Variants in SMARCA2 observed in about 807,000 individuals in gnomAD.
The protein encoded by SMARCA2 is SWI/SNF-related matrix-associated actin-dependent regulator of chromatin subfamily A member 2.
SMARCA2 carries 61 observed loss-of-function variants against 199.8 expected under a neutral mutation model. The observed-to-expected ratio is 0.31, with a 90% confidence interval of 0.25 to 0.38. The LOEUF is 0.38. Ranked by LOEUF, SMARCA2 falls within the 10% of genes least tolerant of loss-of-function variation. SMARCA2 has a pLI of 1.00. For synonymous variants in SMARCA2, 935 were observed against 732.0 expected (o/e 1.28, Z -4.48); for missense variants, 1,344 against 2,012.2 (o/e 0.67, Z 6.35).
chr9:2,121,908 C>CT (rs975331374), intron 26 of SMARCA2, among the ~76,000 whole-genome samples: 7 of 152,138 alleles, frequency 4.6e-5, no homozygotes, highest in Non-Finnish European at 8.8e-5. Flanking sequence ...GGAAAAAGCA[C>CT]TTTTAAAACT....
At chr9:2,138,678 A>C (rs1007596988) in intron 27 of SMARCA2, among the ~76,000 whole-genome samples, 1 of 152,214 alleles carries the variant, frequency 6.6e-6, no homozygotes, top group Non-Finnish European at 1.5e-5. Flanking sequence ...TTGCTCTGCA[A>C]CATCTTGGAT....
intron 3 of SMARCA2, among the ~76,000 whole-genome samples, chr9:2,034,003 T>C (rs1187544408): frequency 6.6e-6 from 1 of 151,778 alleles, no homozygotes; most frequent in African/African-American, 2.4e-5. Flanking sequence ...TCCCAGCGCT[T>C]TGGGAGGCTG....
At chr9:2,057,833 C>T (rs1820424115) in intron 7 of SMARCA2, among the ~76,000 whole-genome samples, 1 of 152,114 alleles carries the variant, frequency 6.6e-6, no homozygotes, top group African/African-American at 2.4e-5. Context: ...TTCTGCATGG[C>T]AATTTTAACT....
At chr9:2,188,945 G>C (rs1049699943) in intron 32 of SMARCA2, among the ~76,000 whole-genome samples, 1 of 152,106 alleles carries the variant, frequency 6.6e-6, no homozygotes, top group Non-Finnish European at 1.5e-5. Context: ...CCTACCCCTT[G>C]TTCCAACTTT....
At chr9:2,130,964 G>A (rs1403406085) in intron 27 of SMARCA2, among the ~76,000 whole-genome samples, 3 of 152,196 alleles carry the variant, frequency 2.0e-5, no homozygotes, top group African/African-American at 7.2e-5. Context: ...AAATTGGGGT[G>A]ATTGCAGAGC....
chr9:2,087,160 C>T, intron 18 of SMARCA2, 89 bp downstream of exon 18: 1 of 1,497,302 alleles, frequency 6.7e-7, no homozygotes, highest in Non-Finnish European at 9.1e-7. Context: ...CCACAGAACA[C>T]CCGCAGGGTG....
At position 2,121,302 on chromosome 9, in the gene SMARCA2, G is replaced by T. The variant is rs58152462; in HGVS notation, c.3762+1767G>T. Among the ~76,000 whole-genome samples the T allele has an allele frequency of 6.7e-3, 1,020 of 152,224 alleles. 13 individuals carry two copies. Among genetic ancestry groups the T allele is most frequent in the African/African-American group, 0.024 (983 of 41,492 alleles). ...ACTATTTTACCACTCAAAGAACAGG[G>T]TTGTAACACAGGTGAGGCTGGCTAG... On this transcript the variant is annotated intron_variant, in intron 26 of 33. Coordinates refer to ENST00000349721, the MANE Select transcript of SMARCA2 (RefSeq NM_003070.5).
chr9:2,164,780 T>C (rs1470001911), intron 28 of SMARCA2, among the ~76,000 whole-genome samples: 2 of 152,218 alleles, frequency 1.3e-5, no homozygotes, highest in African/African-American at 2.4e-5. Context: ...TTTTAACTTT[T>C]CCTTGTTTTA....
In SMARCA2 at chr9:2,190,802, A is replaced by G. The variant is rs116463324; in HGVS notation, c.4595-464A>G. ...TTTCCATTTTGTACCTTTATGTTAA[A>G]AATATGATTGAACTATTTGAATTTT... On this transcript the variant is annotated intron_variant, in intron 32 of 33. Transcript: ENST00000349721. Among the ~76,000 whole-genome samples, 810 of 152,342 alleles carry G rather than the reference A, an allele frequency of 5.3e-3. 2 individuals are homozygous for G. Among genetic ancestry groups the G allele is most frequent in the African/African-American group, 0.019 (776 of 41,568 alleles).
chr9:2,157,856 T>G (rs1021686344), intron 27 of SMARCA2: 4 of 398,420 alleles, frequency 1.0e-5, no homozygotes, highest in African/African-American at 6.2e-5. Flanking sequence ...AGGCTGACTT[T>G]CTGGACCTGC....
At chr9:2,089,961 A>G (rs1312502643) in intron 19 of SMARCA2, among the ~76,000 whole-genome samples, 2 of 152,278 alleles carry the variant, frequency 1.3e-5, no homozygotes, top group South Asian at 2.1e-4. Flanking sequence ...TCATTTATTC[A>G]TTCCATAAGA....
intron 9 of SMARCA2, among the ~76,000 whole-genome samples, chr9:2,067,239 G>A (rs1410212862): frequency 6.6e-6 from 1 of 152,226 alleles, no homozygotes; most frequent in Non-Finnish European, 1.5e-5. Flanking sequence ...ATTTATGATA[G>A]TAATAATTTA....
At chr9:2,191,044 C>A (rs1037451887) in intron 32 of SMARCA2, among the ~76,000 whole-genome samples, 6 of 152,180 alleles carry the variant, frequency 3.9e-5, no homozygotes, top group Non-Finnish European at 8.8e-5. Flanking sequence ...CTCTTGTTGC[C>A]TGTTTAGCGT....
At chr9:2,038,794 A>G (rs759579495) in intron 3 of SMARCA2, among the ~76,000 whole-genome samples, 1 of 152,182 alleles carries the variant, frequency 6.6e-6, no homozygotes, top group African/African-American at 2.4e-5. Context: ...GGAGAACCCA[A>G]CTGTGACAGT....
At chr9:2,182,032 G>C (rs1481950734) in intron 30 of SMARCA2, 109 bp from the exon 31 acceptor site, 2 of 802,982 alleles carry the variant, frequency 2.5e-6, no homozygotes, top group South Asian at 2.7e-5. Flanking sequence ...CCCTGGCAGG[G>C]CTTTATGCTG....
At chr9:2,099,916 A>G (rs747384469) in intron 21 of SMARCA2, among the ~76,000 whole-genome samples, 3 of 152,158 alleles carry the variant, frequency 2.0e-5, no homozygotes. Context: ...GGAGACAGGG[A>G]TGGAGCCTAA....
Position 2,082,308 on chromosome 9 carries a change from T to G in SMARCA2, c.2348+313T>G, listed in dbSNP as rs59593396. ...TTAAGTGGCTCACAAAGGGGAAAGG[T>G]GTGTGTGTGTGTGTGTGTGTGTGTG... On this transcript the variant is annotated intron_variant, in intron 15 of 33. Transcript: ENST00000349721. Among the ~76,000 whole-genome samples the G allele has an allele frequency of 0.021, 398 of 18,882 alleles. 3 individuals are homozygous for G. The East Asian group carries it at 0.32, about 15-fold the overall frequency. 12.4% of individuals were successfully genotyped at this position (18,882 alleles called of 152,430 possible).
At chr9:2,140,488 C>G (rs1824409592) in intron 27 of SMARCA2, among the ~76,000 whole-genome samples, 1 of 152,144 alleles carries the variant, frequency 6.6e-6, no homozygotes, top group South Asian at 2.1e-4. Context: ...ACCATTGTAT[C>G]TGATGATTGA....
chr9:2,147,926 T>C (rs1020683887), intron 27 of SMARCA2, among the ~76,000 whole-genome samples: 1 of 151,428 alleles, frequency 6.6e-6, no homozygotes, highest in Non-Finnish European at 1.5e-5. Context: ...CTCAAACTCC[T>C]GGCCTTGAGT....
Sources: gnomAD v4.1 joint callset for allele counts (sites outside exome capture counted in the v4.1 genomes callset) on GRCh38, gnomAD v4.1.1 for gene constraint, MANE v1.5 for transcripts, NCBI Gene and HGNC (gene_info 2026-07-23, HGNC 2026-07-21) for gene names.